TRPM3: variants seen among roughly 807,000 people sequenced by gnomAD.
TRPM3 encodes the protein long transient receptor potential channel 3.
A neutral mutation model predicts 181.2 loss-of-function variants in TRPM3; 77 were observed. The observed-to-expected ratio is 0.42, with a 90% CI of 0.35 to 0.51. TRPM3 has a LOEUF of 0.51. TRPM3 is among the 20% of genes least tolerant of loss of function. The pLI, the probability that TRPM3 is intolerant of heterozygous loss-of-function variation, is 0.01. For synonymous variants in TRPM3, 745 were observed against 796.4 expected, an observed-to-expected ratio of 0.94 and a Z score of 1.09; for missense variants, 1,759 against 2,196.7, an observed-to-expected ratio of 0.80 and a Z score of 3.98.
At chr9:70,938,915 G>A (rs541926191) in intron 1 of TRPM3, among the ~76,000 whole-genome samples, 9 of 150,850 alleles carry the variant, frequency 6.0e-5, no homozygotes, top group South Asian at 2.1e-4. Flanking sequence ...CCAAGATCGC[G>A]CCACTGCACT....
chr9:71,358,773 T>C (rs572630628), intron 1 of TRPM3, among the ~76,000 whole-genome samples: 1 of 152,174 alleles, frequency 6.6e-6, no homozygotes, highest in Admixed American at 6.6e-5. Context: ...CACCAAGCAC[T>C]TGATCACGGT....
chr9:71,325,274 T>A (rs11792896), intron 1 of TRPM3, among the ~76,000 whole-genome samples: 1 of 152,046 alleles, frequency 6.6e-6, no homozygotes. Flanking sequence ...CGGACAAATA[T>A]CAACCAAAGT....
chr9:70,914,679 G>A (rs541005523), intron 1 of TRPM3, among the ~76,000 whole-genome samples: 1 of 152,330 alleles, frequency 6.6e-6, no homozygotes, highest in Admixed American at 6.5e-5. Context: ...GTCTGACCCA[G>A]CACAGTCCTA....
At chr9:70,763,072 G>A (rs1235610696) in intron 7 of TRPM3, among the ~76,000 whole-genome samples, 1 of 152,152 alleles carries the variant, frequency 6.6e-6, no homozygotes, top group Non-Finnish European at 1.5e-5. Context: ...TCACTAGGTT[G>A]GATATTATGA....
intron 1 of TRPM3, among the ~76,000 whole-genome samples, chr9:71,395,870 T>C (rs1178327481): frequency 6.6e-6 from 1 of 152,124 alleles, no homozygotes; most frequent in African/African-American, 2.4e-5. Context: ...ATTGTAAAAC[T>C]TGACAATCTG....
chr9:70,891,345 T>G (rs944928787), intron 1 of TRPM3, among the ~76,000 whole-genome samples: 1 of 152,038 alleles, frequency 6.6e-6, no homozygotes, highest in African/African-American at 2.4e-5. Flanking sequence ...GGGAATAAAA[T>G]AGCTAAATCC....
intron 1 of TRPM3, among the ~76,000 whole-genome samples, chr9:70,959,233 C>G (rs1477489385): frequency 1.3e-5 from 2 of 151,818 alleles, no homozygotes; most frequent in African/African-American, 4.8e-5. Flanking sequence ...ATATTCTTCT[C>G]TCAATTTTGC....
chr9:70,593,564 A>G (rs994289555), intron 21 of TRPM3, among the ~76,000 whole-genome samples: 63 of 152,312 alleles, frequency 4.1e-4, no homozygotes, highest in African/African-American at 1.5e-3. Context: ...GTTTTTGTTC[A>G]GATTGATTGT....
intron 1 of TRPM3, among the ~76,000 whole-genome samples, chr9:71,044,516 A>G (rs901047841): frequency 1.3e-5 from 2 of 152,188 alleles, no homozygotes; most frequent in African/African-American, 4.8e-5. Flanking sequence ...TACTAAGTTA[A>G]TATTCTGAGT....
intron 1 of TRPM3, among the ~76,000 whole-genome samples, chr9:71,309,859 T>TA (rs1211336694): frequency 1.3e-5 from 2 of 152,106 alleles, no homozygotes; most frequent in Non-Finnish European, 2.9e-5. Context: ...ATGCTATTTT[T>TA]AAAAATTTCT....
chr9:70,910,238 T>C (rs10868927), intron 1 of TRPM3, among the ~76,000 whole-genome samples: 47,808 of 152,152 alleles, frequency 0.31, 8,649 homozygotes, highest in Non-Finnish European at 0.39. Flanking sequence ...AACTGTTATA[T>C]ACAAAAACAT....
At chr9:71,070,364 T>G (rs183344702) in intron 1 of TRPM3, among the ~76,000 whole-genome samples, 2 of 152,232 alleles carry the variant, frequency 1.3e-5, no homozygotes, top group Admixed American at 1.3e-4. Context: ...CTGCTGCTGA[T>G]TGAAACAGAG....
At chr9:71,120,919 G>A (rs917196629) in intron 1 of TRPM3, among the ~76,000 whole-genome samples, 1 of 150,932 alleles carries the variant, frequency 6.6e-6, no homozygotes, top group African/African-American at 2.4e-5. Context: ...GGAGCACCAG[G>A]TAGCCCATTC....
chr9:71,140,381 T>C (rs1408284666), intron 1 of TRPM3, among the ~76,000 whole-genome samples: 1 of 152,122 alleles, frequency 6.6e-6, no homozygotes, highest in Non-Finnish European at 1.5e-5. Flanking sequence ...CTACTCAACA[T>C]TGTCTTTCAT....
chr9:71,108,483 G>C (rs188693497), intron 1 of TRPM3, among the ~76,000 whole-genome samples: 2 of 152,206 alleles, frequency 1.3e-5, no homozygotes, highest in African/African-American at 4.8e-5. Flanking sequence ...TCTCTGACCA[G>C]AGCTAAATAA....
chr9:70,846,274 G>A, intron 4 of TRPM3, 104 bp downstream of exon 4: 4 of 1,063,050 alleles, frequency 3.8e-6, no homozygotes, highest in Non-Finnish European at 5.8e-6. Flanking sequence ...CATGGGTAGG[G>A]ATGAAGTGGG....
chr9:71,001,642 G>A (rs2097603630), intron 1 of TRPM3, among the ~76,000 whole-genome samples: 1 of 152,158 alleles, frequency 6.6e-6, no homozygotes, highest in East Asian at 1.9e-4. Context: ...AAAACATTGA[G>A]TCCCTAGCCT....
At chr9:70,765,443 T>C (rs776177470) in intron 7 of TRPM3, among the ~76,000 whole-genome samples, 1 of 151,920 alleles carries the variant, frequency 6.6e-6, no homozygotes, top group Non-Finnish European at 1.5e-5. Flanking sequence ...ATTCAAAAAT[T>C]AGCCAGGCAT....
At chr9:71,297,562 G>A (rs1332074004) in intron 1 of TRPM3, among the ~76,000 whole-genome samples, 1 of 152,066 alleles carries the variant, frequency 6.6e-6, no homozygotes, top group Non-Finnish European at 1.5e-5. Context: ...GAAGGAGGAA[G>A]CCCTTTAAAA....
Sources: allele counts gnomAD v4.1 joint callset (sites outside exome capture counted in the v4.1 genomes callset), GRCh38; gene constraint gnomAD v4.1.1; transcripts MANE v1.5; gene names NCBI Gene and HGNC (gene_info 2026-07-23, HGNC 2026-07-21).